Variants in STAG2 observed in about 807,000 individuals in gnomAD.
STAG2 encodes the protein cohesin subunit SA-2.
STAG2 carries 14 observed loss-of-function variants against 108.1 expected under a neutral mutation model. That is an observed-to-expected ratio of 0.13 (90% CI 0.09 to 0.20). The LOEUF (loss-of-function observed/expected upper bound fraction) is 0.20. STAG2 is among the 10% of genes least tolerant of loss of function. The probability of loss-of-function intolerance (pLI) is 1.00; values close to 1 mark genes in which losing one functional copy is unlikely to be tolerated. For missense variants in STAG2, 440 were observed against 940.9 expected (o/e 0.47, Z 6.96); for synonymous variants, 307 against 302.7 (o/e 1.01, Z -0.15).
intron 1 of STAG2, among the ~76,000 whole-genome samples, chrX:124,005,980 T>C (rs1252684324): frequency 1.8e-5 from 2 of 111,573 alleles, no homozygotes. Flanking sequence ...CACATGGTGT[T>C]CTCCTTGTGT....
intron 27 of STAG2, among the ~76,000 whole-genome samples, chrX:124,078,995 G>C (rs2058876882): frequency 9.2e-6 from 1 of 109,050 alleles, no homozygotes; most frequent in Non-Finnish European, 1.9e-5. Context: ...AAAACCAATA[G>C]TTTTCATTTT....
At chrX:123,987,449 T>C (rs1398604798) in intron 1 of STAG2, among the ~76,000 whole-genome samples, 1 of 110,076 alleles carries the variant, frequency 9.1e-6, no homozygotes, top group Non-Finnish European at 1.9e-5. Context: ...GGTTTTGCCT[T>C]GTTGGCCAGG....
chrX:124,093,927 A>G (rs947589201), intron 32 of STAG2, 91 bp from the exon 33 acceptor site: 20 of 968,860 alleles, frequency 2.1e-5, no homozygotes, highest in Non-Finnish European at 2.7e-5. Flanking sequence ...ATTTTCCATT[A>G]TACTTGAATA....
intron 1 of STAG2, among the ~76,000 whole-genome samples, chrX:124,002,758 G>A (rs2056101700): frequency 9.1e-6 from 1 of 109,501 alleles, no homozygotes; most frequent in South Asian, 4.0e-4. Flanking sequence ...CTGAGTAGCT[G>A]GGATTAGAGG....
In STAG2 at chrX:124,051,204, T is replaced by C. The variant is rs190643141; in HGVS notation, c.1101T>C (p.Phe367=). 22 of 1,183,485 alleles carry C rather than the reference T, an allele frequency of 1.9e-5. No individual in the cohort carries two copies. The East Asian group carries it at 6.3e-4, about 34-fold the overall frequency. ...AGCTTAATTCCAAACTGGAACTTTT[T>C]ACCAGTCGGTTCAAGGTTAGTATTA... ...NKELNSKLEL[F]TSRFKDRIVS... Residue 367 remains phenylalanine, a synonymous_variant, in exon 12 of 35, where the codon TTT becomes TTC. Coordinates refer to ENST00000371145, the MANE Select transcript of STAG2 (RefSeq NM_001042750.2).
chrX:124,057,989 G>T lies in STAG2; in HGVS notation c.1416+12G>T, dbSNP rs755226200. On this transcript the variant is annotated intron_variant, in intron 15 of 34. Transcript: ENST00000371145. ...TTCTAGAAAGTGAGGTTAGTTGATA[G>T]TATTTATTTTATACTTAGGTTCGAA... The T allele has an allele frequency of 1.7e-5, 19 of 1,121,489 alleles. No individual in the cohort carries two copies. Among genetic ancestry groups the T allele is most frequent in the Non-Finnish European group, 2.3e-5 (19 of 835,707 alleles). 92.4% of individuals were successfully genotyped at this position (1,121,489 alleles called of 1,213,427 possible).
intron 1 of STAG2, among the ~76,000 whole-genome samples, chrX:124,012,369 A>G (rs2056548861): frequency 9.0e-6 from 1 of 111,132 alleles, no homozygotes; most frequent in African/African-American, 3.2e-5. Context: ...ATTTTAGAGT[A>G]CCACATATGT....
intron 7 of STAG2, among the ~76,000 whole-genome samples, chrX:124,043,951 C>T (rs974369132): frequency 1.8e-5 from 2 of 111,284 alleles, no homozygotes; most frequent in Non-Finnish European, 3.8e-5. Flanking sequence ...TTTTACTCTT[C>T]CAAAATTTTT....
chrX:124,077,451 T>C (rs1189384904), intron 26 of STAG2, among the ~76,000 whole-genome samples: 1 of 111,715 alleles, frequency 9.0e-6, no homozygotes, highest in Non-Finnish European at 1.9e-5. Context: ...AAATGTCATA[T>C]AAACAACTTT....
chrX:124,013,145 G>C (rs1255900205), intron 1 of STAG2, among the ~76,000 whole-genome samples: 1 of 111,370 alleles, frequency 9.0e-6, no homozygotes, highest in Non-Finnish European at 1.9e-5. Flanking sequence ...TTTTGGATCT[G>C]GATATTCATT....
intron 7 of STAG2, among the ~76,000 whole-genome samples, chrX:124,042,964 G>A (rs968107765): frequency 4.8e-5 from 5 of 104,800 alleles, no homozygotes; most frequent in Non-Finnish European, 7.8e-5. Flanking sequence ...GCAGTGAGCC[G>A]AGCTCTCGCC....
intron 1 of STAG2, among the ~76,000 whole-genome samples, chrX:123,993,793 A>G (rs1221185072): frequency 4.5e-5 from 5 of 111,752 alleles, no homozygotes. Flanking sequence ...GAGTCCTTGG[A>G]TGTCGGACCT....
At chrX:124,030,115 C>G (rs2057285138) in intron 4 of STAG2, among the ~76,000 whole-genome samples, 1 of 111,456 alleles carries the variant, frequency 9.0e-6, no homozygotes, top group Non-Finnish European at 1.9e-5. Context: ...TTCAGAATTC[C>G]TTGTTCAGAG....
intron 32 of STAG2, among the ~76,000 whole-genome samples, chrX:124,092,363 GT>G (rs766891947): frequency 9.0e-5 from 10 of 111,317 alleles, no homozygotes; most frequent in African/African-American, 2.9e-4. Context: ...TTTAATATAA[GT>G]TCTTATTTTA....
At chrX:124,056,522 A>G (rs1160699302) in intron 14 of STAG2, among the ~76,000 whole-genome samples, 1 of 109,098 alleles carries the variant, frequency 9.2e-6, no homozygotes, top group African/African-American at 3.3e-5. Context: ...TCACGAGGTC[A>G]GGAGATCGAG....
In STAG2 at chrX:124,030,197, T is replaced by C. The variant is rs138919591; in HGVS notation, c.124-764T>C. On this transcript the variant is annotated intron_variant, in intron 4 of 34. Coordinates refer to ENST00000371145, the MANE Select transcript of STAG2 (RefSeq NM_001042750.2). ...TGAGTATAAGGTACATATTTGATAA[T>C]GAGTTTGGTTATTCTTGCTGCCCAC... 7.6e-4 allele frequency among the ~76,000 whole-genome samples: 85 copies of C among 111,951 alleles called. 1 individual carries two copies. The East Asian group carries it at 0.02, about 27-fold the overall frequency.
At chrX:124,083,149 G>T (rs1026223099) in intron 28 of STAG2, among the ~76,000 whole-genome samples, 1 of 111,651 alleles carries the variant, frequency 9.0e-6, no homozygotes, top group African/African-American at 3.3e-5. Flanking sequence ...ACTGATTAAA[G>T]AATGTAGATA....
At chrX:124,099,842 TAA>T (rs2059470248) in intron 34 of STAG2, among the ~76,000 whole-genome samples, 1 of 111,800 alleles carries the variant, frequency 8.9e-6, no homozygotes, top group Admixed American at 9.5e-5. Flanking sequence ...GTATATATAC[TAA>T]GAGTCACATG....
chrX:123,965,886 C>A (rs2054071823), intron 1 of STAG2, among the ~76,000 whole-genome samples: 1 of 109,714 alleles, frequency 9.1e-6, no homozygotes, highest in Admixed American at 9.8e-5. Flanking sequence ...GTGGTCCCAG[C>A]TATTTGGGAG....
Sources: gnomAD v4.1 joint callset for allele counts (sites outside exome capture counted in the v4.1 genomes callset) on GRCh38, gnomAD v4.1.1 for gene constraint, MANE v1.5 for transcripts, NCBI Gene and HGNC (gene_info 2026-07-23, HGNC 2026-07-21) for gene names.